Variants in EFHC1 observed in about 807,000 individuals in gnomAD.
EFHC1 encodes EF-hand domain containing 1, also known as EF-hand domain-containing protein 1.
A neutral mutation model predicts 69.9 loss-of-function variants in EFHC1; 53 were observed. The observed-to-expected ratio is 0.76, with a 90% CI of 0.61 to 0.95. The LOEUF (loss-of-function observed/expected upper bound fraction) is 0.95. EFHC1 is among the 40% of genes least tolerant of loss of function. EFHC1 has a pLI of 0.00. For synonymous variants in EFHC1, 256 were observed against 278.4 expected (o/e 0.92, Z 0.80); for missense variants, 739 against 798.7 (o/e 0.93, Z 0.90).
At chr6:52,442,316 C>T (rs1343195938) in intron 3 of EFHC1, among the ~76,000 whole-genome samples, 3 of 151,796 alleles carry the variant, frequency 2.0e-5, no homozygotes, top group Non-Finnish European at 1.5e-5. Flanking sequence ...TATTATTATA[C>T]TTTAAGTTAT....
At chr6:52,490,425 G>A in intron 10 of EFHC1, 75 bp downstream of exon 10, 2 of 1,316,192 alleles carry the variant, frequency 1.5e-6, no homozygotes, top group Non-Finnish European at 2.2e-6. Context: ...GCAATTGTGT[G>A]TGTATTTCAC....
At chr6:52,447,692 T>C (rs1764818658) in intron 3 of EFHC1, among the ~76,000 whole-genome samples, 1 of 152,204 alleles carries the variant, frequency 6.6e-6, no homozygotes, top group Admixed American at 6.5e-5. Context: ...TTTCTCCCCA[T>C]GTTTGTGGTT....
chr6:52,427,071 T>C (rs149580487), intron 2 of EFHC1, among the ~76,000 whole-genome samples: 246 of 152,346 alleles, frequency 1.6e-3, no homozygotes, highest in African/African-American at 5.2e-3. Context: ...ATCTAATCTA[T>C]TAGCAAGTTC....
chr6:52,453,122 C>T, intron 4 of EFHC1: 1 of 1,414,086 alleles, frequency 7.1e-7, no homozygotes. Context: ...CATCTGCTTC[C>T]CACCTTACGT....
intron 4 of EFHC1, chr6:52,453,824 C>T: frequency 7.6e-7 from 1 of 1,310,614 alleles, no homozygotes; most frequent in East Asian, 4.9e-5. Flanking sequence ...CTTTCACTGA[C>T]TAATATTTTG....
chr6:52,444,433 A>G (rs995877789), intron 3 of EFHC1, among the ~76,000 whole-genome samples: 1 of 152,130 alleles, frequency 6.6e-6, no homozygotes, highest in African/African-American at 2.4e-5. Flanking sequence ...GTTTGTCATA[A>G]ATAGCTCTTA....
chr6:52,455,069 G>A (rs758087022), intron 5 of EFHC1, among the ~76,000 whole-genome samples: 1 of 152,116 alleles, frequency 6.6e-6, no homozygotes, highest in Non-Finnish European at 1.5e-5. Context: ...TCCAGCCTGG[G>A]CAACAGTGAG....
intron 2 of EFHC1, among the ~76,000 whole-genome samples, chr6:52,434,023 T>C (rs1581815929): frequency 6.6e-6 from 1 of 152,084 alleles, no homozygotes; most frequent in Non-Finnish European, 1.5e-5. Flanking sequence ...TCACTCCCAC[T>C]GTCCCGCCCC....
chr6:52,477,419 G>A (rs1397743635), intron 7 of EFHC1, among the ~76,000 whole-genome samples: 1 of 152,044 alleles, frequency 6.6e-6, no homozygotes, highest in African/African-American at 2.4e-5. Flanking sequence ...CAATATGAGC[G>A]GATTTCAGTC....
chr6:52,450,396 A>G (rs1764888493), intron 3 of EFHC1, among the ~76,000 whole-genome samples: 1 of 152,336 alleles, frequency 6.6e-6, no homozygotes, highest in Admixed American at 6.5e-5. Flanking sequence ...TAATACTGTC[A>G]GGGAAGTTTT....
At chr6:52,487,269 A>G (rs959905599) in intron 9 of EFHC1, 1 of 152,070 alleles carries the variant, frequency 6.6e-6, no homozygotes. Context: ...TATAATATTG[A>G]TTACTCTTTA....
intron 8 of EFHC1, 87 bp from the exon 9 acceptor site, chr6:52,479,553 A>C (rs1304114468): frequency 7.0e-6 from 11 of 1,579,236 alleles, no homozygotes; most frequent in Non-Finnish European, 9.6e-6. Flanking sequence ...ATACCTGTGA[A>C]TTTATCATTG....
rs879504370 is a variant in EFHC1, at chr6:52,492,855, A to T, written c.*514A>T. The T allele has an allele frequency of 9.1e-5, 41 of 449,382 alleles. No individual in the cohort carries two copies. The highest frequency in any genetic ancestry group is 1.7e-4 in the Non-Finnish European group (38 of 224,890). 27.8% of individuals were successfully genotyped at this position (449,382 alleles called of 1,614,324 possible). A position where few individuals can be genotyped will look rare whatever the true frequency, so the allele number is the denominator to read the frequency against. On this transcript the variant is annotated 3_prime_UTR_variant, in exon 11 of 11. Coordinates refer to ENST00000371068, the MANE Select transcript of EFHC1 (RefSeq NM_018100.4). ...TTGTCTCAAACTCATGAGCTCCAGA[A>T]ATTCTCCCACCTCAGCCTCCAAAAG...
At chr6:52,423,282 C>T (rs1764229375) in intron 1 of EFHC1, among the ~76,000 whole-genome samples, 1 of 152,044 alleles carries the variant, frequency 6.6e-6, no homozygotes, top group Admixed American at 6.5e-5. Context: ...GTTTTTACGG[C>T]CCCAGATATC....
In EFHC1 at chr6:52,438,373, C is replaced by A; in HGVS notation, c.355C>A (p.Gln119Lys). The A allele has an allele frequency of 6.2e-7, 1 of 1,613,880 alleles. No homozygotes were observed. The highest frequency in any genetic ancestry group is 8.5e-7 in the Non-Finnish European group (1 of 1,179,926). ...MSTEEQYRIR[Q>K]VNIYYYLEDD... ...AACTGAGGAACAGTATAGGATCCGT[C>A]AGGTGAACATTTACTATTATCTAGA... Residue 119 changes from glutamine to lysine, a missense_variant, in exon 3 of 11, where the codon CAG (glutamine) becomes AAG (lysine). Physicochemically the swap from Gln to Lys is moderately conservative, Grantham distance 53. Coordinates refer to ENST00000371068, the MANE Select transcript of EFHC1 (RefSeq NM_018100.4).
intron 6 of EFHC1, among the ~76,000 whole-genome samples, chr6:52,465,668 G>A (rs994695473): frequency 1.3e-5 from 2 of 151,480 alleles, no homozygotes; most frequent in Non-Finnish European, 2.9e-5. Flanking sequence ...TTAGCCGAGT[G>A]TAGTGGTGCG....
rs114677158 is a variant in EFHC1 at position 52,435,660 on chromosome 6, C to T, written c.286-2644C>T. On this transcript the variant is annotated intron_variant, in intron 2 of 10. Coordinates refer to ENST00000371068, the MANE Select transcript of EFHC1 (RefSeq NM_018100.4). ...CAGACCTGGACTATTGAAGGGGCTT[C>T]CAGTCTGATTGCCATGCCTAGTACT... Among the ~76,000 whole-genome samples the T allele has an allele frequency of 5.5e-3, 844 of 152,312 alleles. 8 individuals are homozygous for T. The highest frequency in any genetic ancestry group is 0.019 in the African/African-American group (794 of 41,558).
chr6:52,438,587 C>G lies in EFHC1; in HGVS notation c.569C>G (p.Thr190Arg), dbSNP rs1430629936. 2 of 1,613,950 alleles carry G rather than the reference C, an allele frequency of 1.2e-6. No individual in the cohort carries two copies. Among genetic ancestry groups the G allele is most frequent in the Non-Finnish European group, 1.7e-6 (2 of 1,179,882 alleles). Reference protein sequence around the residue: ...TFRVVDCDQFTQVFLESQGIE... With the variant: ...TFRVVDCDQFRQVFLESQGIE... ...CGCGTTGTTGACTGTGACCAATTCACACAGGTATAGCATATATTTTTGAAA... is the reference window on the plus strand; with the variant it reads ...CGCGTTGTTGACTGTGACCAATTCAGACAGGTATAGCATATATTTTTGAAA... Residue 190 changes from threonine (T) to arginine (R), a missense_variant, in exon 3 of 11, where the codon ACA (threonine) becomes AGA (arginine). Thr to Arg is a moderately conservative substitution (Grantham distance 71). Coordinates refer to ENST00000371068, the MANE Select transcript of EFHC1 (RefSeq NM_018100.4).
intron 7 of EFHC1, among the ~76,000 whole-genome samples, chr6:52,470,037 A>G (rs1765400009): frequency 6.6e-6 from 1 of 152,208 alleles, no homozygotes; most frequent in Non-Finnish European, 1.5e-5. Context: ...AAATGGAAAA[A>G]AAATGTAGAA....
Sources: allele counts gnomAD v4.1 joint callset (sites outside exome capture counted in the v4.1 genomes callset), GRCh38; gene constraint gnomAD v4.1.1; transcripts MANE v1.5; gene names NCBI Gene and HGNC (gene_info 2026-07-23, HGNC 2026-07-21).